ZNF493: variants seen among roughly 807,000 people sequenced by gnomAD.
The protein encoded by ZNF493 is zinc finger protein 493.
ZNF493 carries 11 observed loss-of-function variants against 12.2 expected under a neutral mutation model. The observed-to-expected ratio is 0.90, with a 90% CI of 0.57 to 1.50. ZNF493 has a LOEUF of 1.50. Among genes scored for constraint, ZNF493 ranks in the 40% most tolerant of loss-of-function variants. ZNF493 has a pLI of 0.00. For missense variants in ZNF493, 950 were observed against 906.6 expected, an observed-to-expected ratio of 1.05 and a Z score of -0.61; for synonymous variants, 286 against 302.6, an observed-to-expected ratio of 0.95 and a Z score of 0.57.
At chr19:21,419,311 G>A (rs1264186084) in intron 3 of ZNF493, among the ~76,000 whole-genome samples, 3 of 151,462 alleles carry the variant, frequency 2.0e-5, no homozygotes, top group East Asian at 2.0e-4. Context: ...TTTGTCAGAC[G>A]AGATCTACCA....
At chr19:21,397,349 GC>G in intron 1 of ZNF493, 82 bp downstream of exon 1, 1 of 1,522,282 alleles carries the variant, frequency 6.6e-7, no homozygotes, top group Non-Finnish European at 9.1e-7. Context: ...CGGGACTCAG[GC>G]CTCCCCGCAG....
chr19:21,423,682 A>G lies in ZNF493; in HGVS notation c.1023A>G (p.Ile341Met), dbSNP rs771187673. The change falls in exon 4 of 4, where the codon ATA (isoleucine) becomes ATG (methionine). Residue 341 changes from isoleucine to methionine, a missense_variant. By Grantham distance (10) the Ile-to-Met change is conservative. Transcript: ENST00000392288. ...TCTCAACCCCTACTAAACATAAGAT[A>G]ATTCACACTGAAGAGAAATCCCACA... ...SIFSTPTKHKIIHTEEKSHRC... is the reference protein window; with the variant it reads ...SIFSTPTKHKMIHTEEKSHRC... The G allele has an allele frequency of 1.9e-6, 3 of 1,613,666 alleles. No individual in the cohort carries two copies. In the African/African-American group the frequency reaches 4.0e-5, roughly 22 times the overall value.
rs1357043556 is a variant in ZNF493 at position 21,423,472 on chromosome 19, C to G, written c.813C>G (p.Gly271=). The G allele has an allele frequency of 6.2e-7, 1 of 1,613,590 alleles. No individual in the cohort carries two copies. Among genetic ancestry groups the G allele is most frequent in the East Asian group, 2.2e-5 (1 of 44,780 alleles). The change falls in exon 4 of 4, where the codon GGC becomes GGG. Residue 271 remains glycine, a synonymous_variant. Coordinates refer to ENST00000392288, the MANE Select transcript of ZNF493 (RefSeq NM_001076678.3). ...AACCCTACAAATGTGAAGAATGTGG[C>G]ACATCTTTCTACCAATTCTCATACC... ...GQKPYKCEEC[G]TSFYQFSYLT...
At chr19:21,410,417 A>G (rs2030286016) in intron 3 of ZNF493, among the ~76,000 whole-genome samples, 1 of 151,872 alleles carries the variant, frequency 6.6e-6, no homozygotes, top group Non-Finnish European at 1.5e-5. Flanking sequence ...GTGTGAGGCA[A>G]TTTTTTCATT....
intron 3 of ZNF493, among the ~76,000 whole-genome samples, chr19:21,409,758 A>G (rs2030260002): frequency 6.6e-6 from 1 of 152,118 alleles, no homozygotes; most frequent in Admixed American, 6.6e-5. Flanking sequence ...AAGAAGCTGT[A>G]TATTTCAGGC....
At chr19:21,412,734 C>A (rs6511242) in intron 3 of ZNF493, 143,829 of 260,756 alleles carry the variant, frequency 0.55, 40,289 homozygotes, top group Middle Eastern at 0.67. Context: ...TTAAGCACTC[C>A]AGTTCTTGGC....
chr19:21,424,580 T>A lies in ZNF493; in HGVS notation c.1921T>A (p.Ser641Thr). 6.2e-7 allele frequency: 1 copy of A among 1,613,512 alleles called. No individual in the cohort carries two copies. Among genetic ancestry groups the A allele is most frequent in the Non-Finnish European group, 8.5e-7 (1 of 1,179,764 alleles). ...CEECGKAFKR[S>T]SHLAGHKQIH... is the part of the protein sequence containing the mutation. Reference sequence around the variant, plus strand: ...AGAATGTGGCAAAGCTTTTAAGCGGTCCTCACACCTCGCTGGGCACAAGCA... The same window carrying A: ...AGAATGTGGCAAAGCTTTTAAGCGGACCTCACACCTCGCTGGGCACAAGCA... The change falls in exon 4 of 4, where the codon TCC (serine) becomes ACC (threonine). Residue 641 changes from serine (S) to threonine (T), a missense_variant. Transcript: ENST00000392288.
chr19:21,426,411 A>G lies in ZNF493; in HGVS notation c.*1427A>G, dbSNP rs76902667. The G allele has an allele frequency of 5.9e-6, 1 of 168,498 alleles. No homozygotes were observed. Among genetic ancestry groups the G allele is most frequent in the East Asian group, 1.9e-4 (1 of 5,230 alleles). 10.4% of individuals were successfully genotyped at this position (168,498 alleles called of 1,614,324 possible). A position where few individuals can be genotyped will look rare whatever the true frequency, so the allele number is the denominator to read the frequency against. On this transcript the variant is annotated 3_prime_UTR_variant, in exon 4 of 4. Coordinates refer to ENST00000392288, the MANE Select transcript of ZNF493 (RefSeq NM_001076678.3). ...CATCTTACTAAACACCAGAGAGTTC[A>G]TGCTTAATAAAAGCATGATAAGTGC...
intron 3 of ZNF493, among the ~76,000 whole-genome samples, chr19:21,406,890 A>G (rs546631222): frequency 6.6e-6 from 1 of 152,096 alleles, no homozygotes; most frequent in South Asian, 2.1e-4. Flanking sequence ...AGAATATGGT[A>G]CTTTAACAGT....
intron 1 of ZNF493, among the ~76,000 whole-genome samples, chr19:21,404,653 A>G (rs1265093651): frequency 3.3e-5 from 5 of 152,240 alleles, no homozygotes; most frequent in African/African-American, 7.2e-5. Flanking sequence ...TGGGCCAAAC[A>G]CATTGGCATT....
At chr19:21,409,648 G>A (rs184579602) in intron 3 of ZNF493, among the ~76,000 whole-genome samples, 3 of 152,294 alleles carry the variant, frequency 2.0e-5, no homozygotes, top group Admixed American at 2.0e-4. Context: ...GGGAGATTGA[G>A]AGGGGAGGAT....
intron 3 of ZNF493, among the ~76,000 whole-genome samples, chr19:21,411,442 G>T (rs541701732): frequency 1.3e-5 from 2 of 152,168 alleles, no homozygotes; most frequent in African/African-American, 4.8e-5. Context: ...TAAGCAGGTT[G>T]GGTGCGCTGT....
intron 3 of ZNF493, chr19:21,408,328 C>A: frequency 1.5e-6 from 1 of 667,218 alleles, no homozygotes; most frequent in Non-Finnish European, 1.9e-6. Context: ...GGGGTTTCAC[C>A]ATGTTGGCTA....
Position 21,397,274 on chromosome 19 carries a change from G to C in ZNF493, c.30+7G>C. ...CCCTGAAAGCCTAGACATGGTGAGA[G>C]TGCTGGGTCCGACATCACGAGAGAG... On this transcript the variant is annotated splice_region_variant and intron_variant, in intron 1 of 3. Transcript: ENST00000392288. The C allele has an allele frequency of 6.2e-7, 1 of 1,614,226 alleles. No homozygotes were observed. The highest frequency in any genetic ancestry group is 8.5e-7 in the Non-Finnish European group (1 of 1,180,038).
intron 1 of ZNF493, chr19:21,398,387 C>G (rs565680141): frequency 5.7e-6 from 1 of 174,014 alleles, no homozygotes; most frequent in East Asian, 1.8e-4. Context: ...AAATCTCTGT[C>G]TCTTTTGCTT....
rs1173368109 is a variant in ZNF493 at position 21,423,065 on chromosome 19, AAAG to A, written c.410_412del (p.Glu137del). 8 of 1,613,824 alleles carry A rather than the reference AAAG, an allele frequency of 5.0e-6. No individual in the cohort carries two copies. The highest frequency in any genetic ancestry group is 1.7e-4 in the Middle Eastern group (1 of 6,052). On this transcript the variant is annotated inframe_deletion, in exon 4 of 4. Transcript: ENST00000392288. ...AAGTATGAATGAGTGTAATGTGCAC[AAAG>A]AAGGTTATAATGAACTAAACCAGTA...
chr19:21,399,403 A>C lies in ZNF493; in HGVS notation c.30+2136A>C, dbSNP rs538770649. On this transcript the variant is annotated intron_variant, in intron 1 of 3. Transcript: ENST00000392288. ...TCTCAATCTCCTGACCTCATAATCC[A>C]TCCGCCTCGGCCTCCCAAAGTGCTG... Among the ~76,000 whole-genome samples, 6 of 151,084 alleles carry C rather than the reference A, an allele frequency of 4.0e-5. No homozygotes were observed. The East Asian group carries it at 9.8e-4, about 25-fold the overall frequency.
At chr19:21,410,506 T>G (rs963956261) in intron 3 of ZNF493, among the ~76,000 whole-genome samples, 1 of 152,172 alleles carries the variant, frequency 6.6e-6, no homozygotes, top group Non-Finnish European at 1.5e-5. Context: ...GTGTATCTTT[T>G]CTGATGAAAA....
intron 3 of ZNF493, 36 bp downstream of exon 3, chr19:21,405,892 A>G: frequency 1.5e-6 from 1 of 658,414 alleles, no homozygotes; most frequent in African/African-American, 2.1e-5. Flanking sequence ...GACATAGATG[A>G]AAGGTTGAAA....
Sources: allele counts gnomAD v4.1 joint callset (sites outside exome capture counted in the v4.1 genomes callset), GRCh38; gene constraint gnomAD v4.1.1; transcripts MANE v1.5; gene names NCBI Gene and HGNC (gene_info 2026-07-23, HGNC 2026-07-21).